The following NEBL variants were observed in gnomAD, a reference collection of about 807,000 sequenced individuals.
NEBL encodes the protein nebulette.
NEBL carries 122 observed loss-of-function variants against 140.2 expected under a neutral mutation model. The observed-to-expected ratio is 0.87, with a 90% CI of 0.75 to 1.01. NEBL has a LOEUF of 1.01. Ranked by LOEUF, NEBL falls within the 50% of genes least tolerant of loss-of-function variation. The pLI, the probability that NEBL is intolerant of heterozygous loss-of-function variation, is 0.00. For missense variants in NEBL, 1,365 were observed against 1,231.3 expected (o/e 1.11, Z -1.62); for synonymous variants, 436 against 398.9 (o/e 1.09, Z -1.11).
chr10:21,136,217 C>T (rs1452611234), intron 2 of NEBL, among the ~76,000 whole-genome samples: 1 of 152,216 alleles, frequency 6.6e-6, no homozygotes, highest in Non-Finnish European at 1.5e-5. Flanking sequence ...TCAGTCCACT[C>T]CACACTTGCT....
chr10:20,813,996 C>T lies in NEBL; in HGVS notation c.2289G>A (p.Leu763=), dbSNP rs1196603745. The T allele has an allele frequency of 6.2e-7, 1 of 1,611,454 alleles. No homozygotes were observed. Among genetic ancestry groups the T allele is most frequent in the South Asian group, 1.1e-5 (1 of 91,014 alleles). The stretch of plus-strand genomic sequence containing the variant: ...GTCTCATAGCAGGTGTATCTAAAAT[C>T]AGACTTGGTCTACCTTTCATCTGTT... ...DHKQMKGRPS[L]ILDTPAMRHV... The change falls in exon 23 of 28, where the codon CTG becomes CTA. Residue 763 remains leucine, a synonymous_variant. Transcript: ENST00000377122.
rs768825111 is a variant in NEBL, at chr10:20,869,859, T to A, written c.481-18A>T. ...TAAGAAATCTGATCAGAGACAGTTT[T>A]GGTTAAAAAATAAATAAATTAGTAA... On this transcript the variant is annotated intron_variant, in intron 5 of 27. Coordinates refer to ENST00000377122, the MANE Select transcript of NEBL (RefSeq NM_006393.3). 2.6e-5 allele frequency: 39 copies of A among 1,500,402 alleles called. No homozygotes were observed. The highest frequency in any genetic ancestry group is 3.1e-5 in the Non-Finnish European group (33 of 1,076,756). The allele number at this position is 1,500,402 out of a possible 1,614,324, so 92.9% of individuals were successfully genotyped here. A position where few individuals can be genotyped will look rare whatever the true frequency, so the allele number is the denominator to read the frequency against.
intron 2 of NEBL, among the ~76,000 whole-genome samples, chr10:21,142,703 A>T (rs1212016313): frequency 6.6e-6 from 1 of 152,174 alleles, no homozygotes; most frequent in Admixed American, 6.5e-5. Context: ...TATGGCGAGC[A>T]TTACTGCTAC....
intron 3 of NEBL, among the ~76,000 whole-genome samples, chr10:21,013,793 G>T (rs570172649): frequency 4.6e-5 from 7 of 152,128 alleles, no homozygotes; most frequent in Non-Finnish European, 7.4e-5. Flanking sequence ...CAGGAGAATC[G>T]CTGGAACCTG....
At chr10:21,082,553 AAAAAAAAAAAAAT>A (rs1403753153) in intron 2 of NEBL, among the ~76,000 whole-genome samples, 1 of 65,580 alleles carries the variant, frequency 1.5e-5, no homozygotes, top group Admixed American at 1.6e-4. Flanking sequence ...AAAAAAAAAA[AAAAAAAAAAAAAT>A]TAAGACTGTG....
chr10:20,983,388 G>A (rs1837131373), intron 3 of NEBL, among the ~76,000 whole-genome samples: 1 of 152,148 alleles, frequency 6.6e-6, no homozygotes, highest in Non-Finnish European at 1.5e-5. Context: ...TCCAATGATA[G>A]CTTAATTTTG....
intron 4 of NEBL, among the ~76,000 whole-genome samples, chr10:20,910,553 A>G (rs935721646): frequency 6.6e-6 from 1 of 152,190 alleles, no homozygotes; most frequent in African/African-American, 2.4e-5. Flanking sequence ...CCATGGTCAG[A>G]GAGACACTGT....
intron 19 of NEBL, among the ~76,000 whole-genome samples, chr10:20,822,443 G>T (rs1265028614): frequency 6.6e-6 from 1 of 150,998 alleles, no homozygotes; most frequent in African/African-American, 2.4e-5. Context: ...TCAGAAATAG[G>T]TATAGATAAA....
intron 3 of NEBL, among the ~76,000 whole-genome samples, chr10:20,997,291 CCAGTAA>C (rs1233935076): frequency 6.6e-6 from 1 of 151,880 alleles, no homozygotes; most frequent in Non-Finnish European, 1.5e-5. Flanking sequence ...CTGACCACAG[CCAGTAA>C]CAGTCCCTGT....
At chr10:20,897,644 T>C, upstream of NEBL, 2 of 678,942 alleles carry the variant, frequency 2.9e-6, no homozygotes, top group Non-Finnish European at 3.6e-6. Flanking sequence ...ATTCCTTGTC[T>C]CTGTCTAAAT....
At position 21,262,055 on chromosome 10, in the gene NEBL, C is replaced by T. The variant is rs75669273; in HGVS notation, n.183-10227G>A. Among the ~76,000 whole-genome samples the T allele has an allele frequency of 7.5e-3, 1,133 of 152,048 alleles. 17 individuals carry two copies. The highest frequency in any genetic ancestry group is 0.026 in the African/African-American group (1,079 of 41,486). On this transcript the variant is annotated intron_variant and non_coding_transcript_variant, in intron 1 of 8. Coordinates refer to the NEBL transcript ENST00000675702. ...TGTAAGGCTGCCCCCAACCGAAAGC[C>T]GACAAAAAAGAGAAGGGTAAAATAA...
At chr10:21,060,527 T>C (rs1835225944) in intron 2 of NEBL, among the ~76,000 whole-genome samples, 1 of 152,138 alleles carries the variant, frequency 6.6e-6, no homozygotes, top group African/African-American at 2.4e-5. Context: ...CTCTACAAAC[T>C]GTCTCCTTTT....
intron 3 of NEBL, among the ~76,000 whole-genome samples, chr10:21,241,956 C>T (rs1380970798): frequency 6.6e-6 from 1 of 152,164 alleles, no homozygotes; most frequent in Non-Finnish European, 1.5e-5. Context: ...AATCCTAGCA[C>T]TTTGGGAGGC....
At position 21,072,571 on chromosome 10, in the gene NEBL, G is replaced by A. The variant is rs540553471; in HGVS notation, c.165-52370C>T. Among the ~76,000 whole-genome samples, 8 of 152,262 alleles carry A rather than the reference G, an allele frequency of 5.3e-5. No homozygotes were observed. The East Asian group carries it at 1.5e-3, about 29-fold the overall frequency. On this transcript the variant is annotated intron_variant, in intron 2 of 6. Transcript: ENST00000417816. ...CCACGGGGCTGTCGGCTGCCACACA[G>A]GAAAAACAAAGGACAGAGTGCGGAG... is the stretch of plus-strand genomic sequence containing the variant.
rs1284593276 is a variant in NEBL at position 20,889,915 on chromosome 10, T to C, written c.188A>G (p.Asp63Gly). Residue 63 changes from aspartate (D) to glycine (G), a missense_variant, in exon 3 of 28, where the codon GAT (aspartate) becomes GGT (glycine). Coordinates refer to ENST00000377122, the MANE Select transcript of NEBL (RefSeq NM_006393.3). ...ACTGTCAGTCACAAATGTACACTTA[T>C]CCTTGGACTTTTTAAACTCTTCTTT... ...RYKEEFKKSK[D>G]KCTFVTDSPM... The C allele has an allele frequency of 1.9e-6, 3 of 1,610,428 alleles. No individual in the cohort carries two copies. The highest frequency in any genetic ancestry group is 2.5e-6 in the Non-Finnish European group (3 of 1,177,570).
At chr10:21,012,240 T>C (rs1238345636) in intron 3 of NEBL, among the ~76,000 whole-genome samples, 2 of 152,074 alleles carry the variant, frequency 1.3e-5, no homozygotes, top group African/African-American at 2.4e-5. Flanking sequence ...CTTCCCAGAG[T>C]GCCACTCACT....
intron 2 of NEBL, among the ~76,000 whole-genome samples, chr10:21,158,335 A>G (rs893837211): frequency 5.9e-5 from 9 of 152,226 alleles, no homozygotes; most frequent in African/African-American, 1.2e-4. Context: ...GGCAATAGTA[A>G]TAATAGCCAA....
rs918658972 is a variant in NEBL at position 21,162,612 on chromosome 10, G to A, written c.164+9771C>T. On this transcript the variant is annotated intron_variant, in intron 2 of 6. Coordinates refer to the NEBL transcript ENST00000417816. ...AGCTCTTGCAGGCTGACTTGACCTCGCCTATCCCAACTCACCTCCCACTCC... is the reference window on the plus strand; with the variant it reads ...AGCTCTTGCAGGCTGACTTGACCTCACCTATCCCAACTCACCTCCCACTCC... Among the ~76,000 whole-genome samples, 7 of 152,246 alleles carry A rather than the reference G, an allele frequency of 4.6e-5. No homozygotes were observed. The East Asian group carries it at 5.8e-4, about 13-fold the overall frequency.
At position 20,958,689 on chromosome 10, in the gene NEBL, A is replaced by G. The variant is rs144006037; in HGVS notation, c.357+2983T>C. 2.2e-3 allele frequency among the ~76,000 whole-genome samples: 337 copies of G among 152,332 alleles called. 2 individuals are homozygous for G. Among genetic ancestry groups the G allele is most frequent in the African/African-American group, 7.8e-3 (323 of 41,584 alleles). On this transcript the variant is annotated intron_variant, in intron 4 of 6. Coordinates refer to the NEBL transcript ENST00000417816. ...TCTTTTTCTTCCCAGCCATTTAGTCAATTCTGAAATACTGCCTCTTTTCTT... is the reference window on the plus strand; with the variant it reads ...TCTTTTTCTTCCCAGCCATTTAGTCGATTCTGAAATACTGCCTCTTTTCTT...
Sources: allele counts gnomAD v4.1 joint callset (sites outside exome capture counted in the v4.1 genomes callset), GRCh38; gene constraint gnomAD v4.1.1; transcripts MANE v1.5; gene names NCBI Gene and HGNC (gene_info 2026-07-23, HGNC 2026-07-21).